RPL39L: variants seen among roughly 807,000 people sequenced by gnomAD.
The protein encoded by RPL39L is ribosomal protein L39 like.
For missense variants in RPL39L, 48 were observed against 58.9 expected (o/e 0.81, Z 0.61); for synonymous variants, 16 against 20.1 (o/e 0.80, Z 0.55).
chr3:187,135,894 C>T (rs553042276), intron 1 of RPL39L, among the ~76,000 whole-genome samples: 48 of 152,292 alleles, frequency 3.2e-4, no homozygotes, highest in African/African-American at 1.1e-3. Context: ...GCAGGCATGC[C>T]GCATGGCGAG....
intron 1 of RPL39L, among the ~76,000 whole-genome samples, chr3:187,138,647 G>C (rs1720628541): frequency 6.6e-6 from 1 of 152,174 alleles, no homozygotes; most frequent in Non-Finnish European, 1.5e-5. Context: ...ACACTAGTTG[G>C]ACAACGCTGA....
intron 1 of RPL39L, among the ~76,000 whole-genome samples, chr3:187,130,987 A>G (rs1199292898): frequency 6.6e-6 from 1 of 152,196 alleles, no homozygotes; most frequent in Non-Finnish European, 1.5e-5. Context: ...GGGCATCACT[A>G]TACCACTTGC....
At chr3:187,132,149 A>G (rs1298120004) in intron 1 of RPL39L, among the ~76,000 whole-genome samples, 1 of 152,206 alleles carries the variant, frequency 6.6e-6, no homozygotes, top group Non-Finnish European at 1.5e-5. Flanking sequence ...AAAATAACAC[A>G]ATACCAGAGG....
At chr3:187,127,149 A>G (rs1483357389) in intron 2 of RPL39L, among the ~76,000 whole-genome samples, 1 of 152,238 alleles carries the variant, frequency 6.6e-6, no homozygotes, top group Non-Finnish European at 1.5e-5. Context: ...ATCAATGATT[A>G]AAACAGACAA....
intron 1 of RPL39L, among the ~76,000 whole-genome samples, chr3:187,135,069 G>A (rs1019764970): frequency 1.3e-5 from 2 of 152,178 alleles, no homozygotes; most frequent in Admixed American, 1.3e-4. Context: ...AGGCTTTTTC[G>A]CTTAAAGCTT....
At chr3:187,128,350 A>T (rs1398179386) in intron 1 of RPL39L, among the ~76,000 whole-genome samples, 1 of 152,234 alleles carries the variant, frequency 6.6e-6, no homozygotes, top group Non-Finnish European at 1.5e-5. Flanking sequence ...TCTTGTGTTT[A>T]TGAAAAATAA....
intron 2 of RPL39L, among the ~76,000 whole-genome samples, chr3:187,122,634 G>C (rs929865357): frequency 1.3e-5 from 2 of 152,176 alleles, no homozygotes; most frequent in East Asian, 3.8e-4. Flanking sequence ...ATGCTGTGAG[G>C]CTACCGGCTT....
At chr3:187,127,123 A>G (rs1413067932) in intron 2 of RPL39L, among the ~76,000 whole-genome samples, 1 of 152,228 alleles carries the variant, frequency 6.6e-6, no homozygotes, top group Admixed American at 6.5e-5. Context: ...CATAACCAGC[A>G]TATAAGAAAA....
rs150502193 is a variant in RPL39L, at chr3:187,125,808, G to A, written c.-29+2191C>T. ...TGGCAATACTTGCTTCTTTTTGTGC[G>A]GTAAGCAATGGGACCTAGACTGAGC... On this transcript the variant is annotated intron_variant, in intron 2 of 2. Coordinates refer to ENST00000296277, the MANE Select transcript of RPL39L (RefSeq NM_052969.3). 3.5e-4 allele frequency among the ~76,000 whole-genome samples: 52 copies of A among 150,064 alleles called. 1 individual carries two copies. Among genetic ancestry groups the A allele is most frequent in the East Asian group, 2.7e-3 (14 of 5,120 alleles).
chr3:187,127,257 T>G (rs2108468186), intron 2 of RPL39L, among the ~76,000 whole-genome samples: 1 of 152,230 alleles, frequency 6.6e-6, no homozygotes, highest in East Asian at 1.9e-4. Flanking sequence ...TGAGAATCAT[T>G]GCTTTACATT....
chr3:187,136,036 T>C (rs1720573602), intron 1 of RPL39L, among the ~76,000 whole-genome samples: 1 of 152,228 alleles, frequency 6.6e-6, no homozygotes, highest in East Asian at 1.9e-4. Flanking sequence ...TACACACTGA[T>C]GTAAAGCTAA....
intron 1 of RPL39L, 28 bp downstream of exon 1, chr3:187,139,185 C>A (rs377202942): frequency 2.0e-5 from 3 of 152,610 alleles, no homozygotes; most frequent in East Asian, 1.9e-4. Context: ...CGGGCCCTGG[C>A]GGCGGGTGAG....
At chr3:187,135,505 GCTC>G (rs1376325603) in intron 1 of RPL39L, among the ~76,000 whole-genome samples, 1 of 152,158 alleles carries the variant, frequency 6.6e-6, no homozygotes, top group Non-Finnish European at 1.5e-5. Context: ...GATGTGACTT[GCTC>G]CTCCTTGCTT....
intron 1 of RPL39L, among the ~76,000 whole-genome samples, chr3:187,135,628 G>C (rs1223248440): frequency 6.6e-6 from 1 of 152,208 alleles, no homozygotes; most frequent in Non-Finnish European, 1.5e-5. Flanking sequence ...CAGCATGAAA[G>C]ACTAATACAG....
chr3:187,122,238 G>A (rs1720322645), intron 2 of RPL39L, among the ~76,000 whole-genome samples: 1 of 151,928 alleles, frequency 6.6e-6, no homozygotes, highest in Non-Finnish European at 1.5e-5. Context: ...ATCAACCTGG[G>A]GCCAGAGACA....
intron 1 of RPL39L, among the ~76,000 whole-genome samples, chr3:187,135,643 G>A (rs896634778): frequency 6.6e-6 from 1 of 152,224 alleles, no homozygotes; most frequent in Non-Finnish European, 1.5e-5. Context: ...ATACAGACGG[G>A]TAAGCAGTGA....
At chr3:187,133,407 G>A (rs73189769) in intron 1 of RPL39L, among the ~76,000 whole-genome samples, 26 of 152,162 alleles carry the variant, frequency 1.7e-4, no homozygotes, top group Non-Finnish European at 3.5e-4. Flanking sequence ...CATCTAAGAC[G>A]TGCTTTGCTT....
In RPL39L at chr3:187,131,994, G is replaced by A. The variant is rs561972179; in HGVS notation, c.-92-3932C>T. Among the ~76,000 whole-genome samples, 16 of 152,216 alleles carry A rather than the reference G, an allele frequency of 1.1e-4. No individual in the cohort carries two copies. In the South Asian group the frequency reaches 3.3e-3, roughly 32 times the overall value. ...GTTATATTTTTCTTGGATACTCAAG[G>A]ATGCTCAGAAGAGTAATTGAGCACA... On this transcript the variant is annotated intron_variant, in intron 1 of 2. Transcript: ENST00000296277.
intron 1 of RPL39L, among the ~76,000 whole-genome samples, chr3:187,129,034 A>G (rs754964273): frequency 8.5e-5 from 13 of 152,188 alleles, no homozygotes; most frequent in Non-Finnish European, 1.5e-4. Context: ...ATATGTTATG[A>G]TGCCTAATCA....
Sources: allele counts gnomAD v4.1 joint callset (sites outside exome capture counted in the v4.1 genomes callset), GRCh38; gene constraint gnomAD v4.1.1; transcripts MANE v1.5; gene names NCBI Gene and HGNC (gene_info 2026-07-23, HGNC 2026-07-21).